ELP2: variants seen among roughly 807,000 people sequenced by gnomAD.
ELP2 encodes the protein elongator complex protein 2.
A neutral mutation model predicts 119.2 loss-of-function variants in ELP2; 90 were observed. The ratio of observed to expected loss-of-function variants is 0.75; its 90% CI spans 0.64 to 0.90. The LOEUF (loss-of-function observed/expected upper bound fraction) is 0.90, where lower values mean the gene tolerates loss of function less well. Among genes scored for constraint, ELP2 ranks in the 40% least tolerant of loss-of-function variants. The pLI, the probability that ELP2 is intolerant of heterozygous loss-of-function variation, is 0.00. For synonymous variants in ELP2, 339 were observed against 331.0 expected, an observed-to-expected ratio of 1.02 and a Z score of -0.26; for missense variants, 921 against 967.8, an observed-to-expected ratio of 0.95 and a Z score of 0.64.
chr18:36,172,828 G>GT (rs1377759456), intron 21 of ELP2, among the ~76,000 whole-genome samples: 2 of 152,108 alleles, frequency 1.3e-5, no homozygotes, highest in East Asian at 1.9e-4. Flanking sequence ...TGAAGGGGTT[G>GT]TTTTTTTCTT....
chr18:36,130,098 C>T, intron 1 of ELP2, 27 bp downstream of exon 1: 2 of 1,613,832 alleles, frequency 1.2e-6, no homozygotes, highest in Middle Eastern at 1.7e-4. Flanking sequence ...GACGGCCGAC[C>T]CTTGTGCTTT....
Position 36,133,302 on chromosome 18 carries a change from G to C in ELP2, c.203G>C (p.Cys68Ser), listed in dbSNP as rs937218093. 1.2e-6 allele frequency: 2 copies of C among 1,612,934 alleles called. No homozygotes were observed. The highest frequency in any genetic ancestry group is 2.7e-5 in the African/African-American group (2 of 74,892). ...TARVNCIQWI[C>S]KQDGSPSTEL... ...CGAGTCAATTGCATACAGTGGATTTGTAAACAGGATGGCTGTAAGTATTAA... is the reference window on the plus strand; with the variant it reads ...CGAGTCAATTGCATACAGTGGATTTCTAAACAGGATGGCTGTAAGTATTAA... The change falls in exon 2 of 22, where the codon TGT becomes TCT. Residue 68 changes from cysteine (C) to serine (S), a missense_variant. By Grantham distance (112) the Cys-to-Ser change is moderately radical. Coordinates refer to ENST00000358232, the MANE Select transcript of ELP2 (RefSeq NM_018255.4).
At chr18:36,140,427 A>T (rs1391873971) in intron 5 of ELP2, among the ~76,000 whole-genome samples, 1 of 152,072 alleles carries the variant, frequency 6.6e-6, no homozygotes. Flanking sequence ...GCTCACTGCA[A>T]TCTCTGCCTC....
Position 36,141,131 on chromosome 18 carries a change from C to T in ELP2, c.524-6C>T, listed in dbSNP as rs1051525982. On this transcript the variant is annotated splice_polypyrimidine_tract_variant and splice_region_variant and intron_variant, in intron 5 of 21. Coordinates refer to ENST00000358232, the MANE Select transcript of ELP2 (RefSeq NM_018255.4). The stretch of plus-strand genomic sequence containing the variant: ...TCACAGTGAAGCCTGTTTTTTCTTC[C>T]CCCAGTACCAATATTAGCATGTGGC... The T allele has an allele frequency of 2.5e-6, 4 of 1,612,782 alleles. No individual in the cohort carries two copies. The highest frequency in any genetic ancestry group is 3.4e-6 in the Non-Finnish European group (4 of 1,178,962).
At chr18:36,158,723 A>G in intron 13 of ELP2, 112 bp from the exon 14 acceptor site, 1 of 744,870 alleles carries the variant, frequency 1.3e-6, no homozygotes. Context: ...GTTTCTCAGC[A>G]TTTATGAGCG....
chr18:36,148,875 C>CA (rs1052853289), intron 11 of ELP2, among the ~76,000 whole-genome samples: 36 of 148,194 alleles, frequency 2.4e-4, no homozygotes, highest in East Asian at 2.4e-3. Context: ...GACCCTGTCT[C>CA]AAAAAAAAAA....
At chr18:36,146,758 C>T (rs2090216088) in intron 11 of ELP2, among the ~76,000 whole-genome samples, 1 of 152,052 alleles carries the variant, frequency 6.6e-6, no homozygotes, top group Non-Finnish European at 1.5e-5. Context: ...TTCTCAGCAA[C>T]TTGAAAGGCT....
At chr18:36,148,713 A>G (rs1207005946) in intron 11 of ELP2, among the ~76,000 whole-genome samples, 3 of 152,188 alleles carry the variant, frequency 2.0e-5, no homozygotes, top group Admixed American at 6.5e-5. Context: ...TTTAAAAATT[A>G]GCCATGGGCT....
chr18:36,156,703 A>T (rs1387725227), intron 13 of ELP2, 49 bp downstream of exon 13: 1 of 1,550,550 alleles, frequency 6.4e-7, no homozygotes, highest in Non-Finnish European at 8.9e-7. Flanking sequence ...CTTCATTTTA[A>T]ATTTAAAAGG....
chr18:36,130,490 C>T (rs182936386), intron 1 of ELP2, among the ~76,000 whole-genome samples: 6 of 152,274 alleles, frequency 3.9e-5, no homozygotes, highest in Non-Finnish European at 8.8e-5. Flanking sequence ...GGTTAATGAA[C>T]TTTTGTTGTA....
intron 1 of ELP2, 56 bp from the exon 2 acceptor site, chr18:36,133,182 A>G: frequency 8.4e-7 from 1 of 1,185,578 alleles, no homozygotes; most frequent in South Asian, 1.2e-5. Context: ...TTACTTATTT[A>G]TTAATTTTTC....
chr18:36,131,252 G>A (rs2089612872), intron 1 of ELP2, among the ~76,000 whole-genome samples: 1 of 152,210 alleles, frequency 6.6e-6, no homozygotes, highest in Admixed American at 6.5e-5. Context: ...CCCATCTTGA[G>A]CTTGCTTGCC....
chr18:36,144,841 T>G (rs1240959499), intron 8 of ELP2, 98 bp from the exon 9 acceptor site: 2 of 954,632 alleles, frequency 2.1e-6, no homozygotes, highest in Non-Finnish European at 3.3e-6. Flanking sequence ...TTTGTCCTAA[T>G]TTTTTTTTCT....
At chr18:36,161,066 A>AAGTTTGGT in intron 17 of ELP2, 62 bp downstream of exon 17, 1 of 1,211,448 alleles carries the variant, frequency 8.3e-7, no homozygotes, top group East Asian at 2.3e-5. Context: ...AGGCTCCTGC[A>AAGTTTGGT]AGTTTGGTAA....
At chr18:36,145,834 A>G in intron 9 of ELP2, 114 bp from the exon 10 acceptor site, 2 of 894,572 alleles carry the variant, frequency 2.2e-6, no homozygotes, top group Non-Finnish European at 3.7e-6. Flanking sequence ...TTGCTATTAC[A>G]AATAATGTGC....
chr18:36,154,518 A>G (rs1008613749), intron 11 of ELP2, among the ~76,000 whole-genome samples: 1 of 152,236 alleles, frequency 6.6e-6, no homozygotes, highest in African/African-American at 2.4e-5. Context: ...TTTAATCCTC[A>G]TAATAACCCT....
In ELP2 at chr18:36,129,985, G is replaced by A. The variant is rs754241828; in HGVS notation, c.52G>A (p.Val18Met). The change falls in exon 1 of 22, where the codon GTG (valine) becomes ATG (methionine). Residue 18 changes from valine to methionine, a missense_variant. Coordinates refer to ENST00000358232, the MANE Select transcript of ELP2 (RefSeq NM_018255.4). ...TSHVFCCPNR[V>M]RGVLNWSSGP... ...TCACGTGTTTTGCTGCCCAAACCGG[G>A]TGCGGGGAGTCCTGAACTGGAGCTC... The A allele has an allele frequency of 4.3e-6, 7 of 1,614,224 alleles. No individual in the cohort carries two copies. The highest frequency in any genetic ancestry group is 1.1e-5 in the South Asian group (1 of 91,090).
At chr18:36,160,316 T>C (rs554557606) in intron 16 of ELP2, among the ~76,000 whole-genome samples, 2 of 152,334 alleles carry the variant, frequency 1.3e-5, no homozygotes, top group East Asian at 3.9e-4. Flanking sequence ...GGCTCACACC[T>C]GTAATCATAG....
Position 36,152,844 on chromosome 18 carries a change from T to C in ELP2, c.1126-2006T>C, listed in dbSNP as rs75347865. Among the ~76,000 whole-genome samples, 703 of 152,348 alleles carry C rather than the reference T, an allele frequency of 4.6e-3. 6 individuals are homozygous for C. Among genetic ancestry groups the C allele is most frequent in the African/African-American group, 0.015 (637 of 41,578 alleles). On this transcript the variant is annotated intron_variant, in intron 11 of 21. Transcript: ENST00000358232. ...AATTAATCACTTTCATAGTCCACTT[T>C]AGCAAAGGTTCCCCAGGAAACTGAT...
Sources: gnomAD v4.1 joint callset for allele counts (sites outside exome capture counted in the v4.1 genomes callset) on GRCh38, gnomAD v4.1.1 for gene constraint, MANE v1.5 for transcripts, NCBI Gene and HGNC (gene_info 2026-07-23, HGNC 2026-07-21) for gene names.